The following PSAP variants were observed in gnomAD, a reference collection of about 807,000 sequenced individuals.
The protein encoded by PSAP is precursor of saposins.
Under a neutral mutation model 66.0 loss-of-function variants are expected in PSAP, and 25 were observed. The observed-to-expected ratio is 0.38, with a 90% CI of 0.28 to 0.53. The LOEUF is 0.53. Among genes scored for constraint, PSAP ranks in the 20% least tolerant of loss-of-function variants. The pLI is 0.83. For synonymous variants in PSAP, 273 were observed against 258.9 expected (o/e 1.05, Z -0.52); for missense variants, 649 against 668.8 (o/e 0.97, Z 0.33).
At chr10:71,820,196 G>C (rs116152461) in intron 9 of PSAP, 44 bp downstream of exon 9, 10 of 1,517,390 alleles carry the variant, frequency 6.6e-6, no homozygotes, top group South Asian at 5.6e-5. Context: ...ATTCAGGCTC[G>C]GGGGGGCAGG....
In PSAP at chr10:71,835,821, G is replaced by GAAA. The variant is rs758665607; in HGVS notation, c.41-1319_41-1317dup. On this transcript the variant is annotated intron_variant, in intron 1 of 13. Transcript: ENST00000394936. ...AGATACTTGACCCAAGTCTGAGACA[G>GAAA]AAAAAAAAAAAAAAAAAACAAAACA... 4.2e-3 allele frequency among the ~76,000 whole-genome samples: 202 copies of GAAA among 48,626 alleles called. 3 individuals carry two copies. The highest frequency in any genetic ancestry group is 0.02 in the Middle Eastern group (2 of 100). The allele number at this position is 48,626 out of a possible 152,430, so 31.9% of individuals were successfully genotyped here.
rs1564812479 is a variant in PSAP at position 71,816,356 on chromosome 10, CGAA to C, written c.*1082_*1084del. 4.3e-6 allele frequency: 2 copies of C among 465,356 alleles called. No individual in the cohort carries two copies. Among genetic ancestry groups the C allele is most frequent in the South Asian group, 3.1e-5 (2 of 64,504 alleles). The allele number at this position is 465,356 out of a possible 1,614,324, so 28.8% of individuals were successfully genotyped here. Reference sequence around the variant, plus strand: ...AAACTTTAGTGCAAAACAAAAATCACGAAGTCCATTTAATAGCAACTTCATGTC... The same window carrying C: ...AAACTTTAGTGCAAAACAAAAATCACGTCCATTTAATAGCAACTTCATGTC... On this transcript the variant is annotated 3_prime_UTR_variant, in exon 14 of 14. Transcript: ENST00000394936.
At position 71,833,411 on chromosome 10, in the gene PSAP, T is replaced by C. The variant is rs895207042; in HGVS notation, c.174+961A>G. On this transcript the variant is annotated intron_variant, in intron 2 of 13. Transcript: ENST00000394936. ...AGGTTGAGGCTGCAGTGAGCCATGA[T>C]TGTGCCACTGCACTCCAGCCTAGGT... 1.1e-4 allele frequency among the ~76,000 whole-genome samples: 17 copies of C among 152,294 alleles called. 1 individual carries two copies. The highest frequency in any genetic ancestry group is 6.2e-4 in the South Asian group (3 of 4,826).
chr10:71,838,198 AAC>A (rs1252978234), intron 1 of PSAP, among the ~76,000 whole-genome samples: 7 of 152,256 alleles, frequency 4.6e-5, no homozygotes, highest in Non-Finnish European at 8.8e-5. Flanking sequence ...AAGAGAGGCT[AAC>A]ACAGAGTCCA....
At chr10:71,818,940 C>A in intron 12 of PSAP, 91 bp downstream of exon 12, 1 of 1,262,782 alleles carries the variant, frequency 7.9e-7, no homozygotes, top group African/African-American at 1.6e-5. Context: ...GACTCCACCC[C>A]ACGGCCAAGT....
At chr10:71,833,016 CAA>C (rs781415981) in intron 2 of PSAP, among the ~76,000 whole-genome samples, 11 of 50,708 alleles carry the variant, frequency 2.2e-4, no homozygotes, top group Admixed American at 6.8e-4. Flanking sequence ...GAGTCCATCT[CAA>C]AAAAAAAAAA....
At chr10:71,849,809 GC>G (rs368173211) in intron 1 of PSAP, among the ~76,000 whole-genome samples, 100 of 152,188 alleles carry the variant, frequency 6.6e-4, no homozygotes, top group African/African-American at 2.2e-3. Context: ...GCACCCAGAT[GC>G]AAGACATTTC....
At chr10:71,830,253 G>C (rs1385153872) in intron 4 of PSAP, among the ~76,000 whole-genome samples, 1 of 152,074 alleles carries the variant, frequency 6.6e-6, no homozygotes, top group East Asian at 1.9e-4. Context: ...TCAGAAACCA[G>C]GGAGACATTT....
At chr10:71,821,779 C>A in intron 8 of PSAP, 97 bp downstream of exon 8, 1 of 1,549,812 alleles carries the variant, frequency 6.5e-7, no homozygotes. Flanking sequence ...GGCAGGGAAC[C>A]GAAAGAAACA....
At chr10:71,822,689 A>T in intron 7 of PSAP, 1 of 471,460 alleles carries the variant, frequency 2.1e-6, no homozygotes, top group Non-Finnish European at 4.4e-6. Context: ...CAAGAGTGAG[A>T]CAAGTGTATA....
chr10:71,842,993 C>T (rs1842754471), intron 1 of PSAP, among the ~76,000 whole-genome samples: 1 of 152,146 alleles, frequency 6.6e-6, no homozygotes, highest in Non-Finnish European at 1.5e-5. Context: ...ATGCTAAGCA[C>T]CTGTTATGTG....
chr10:71,831,981 T>C (rs1842530297), intron 2 of PSAP, 61 bp from the exon 3 acceptor site: 1 of 1,486,504 alleles, frequency 6.7e-7, no homozygotes. Flanking sequence ...CCCACACAGC[T>C]GGAACTCCCC....
Position 71,829,128 on chromosome 10 carries a change from TAAG to T in PSAP, c.376-54_376-52del. 9 of 1,541,740 alleles carry T rather than the reference TAAG, an allele frequency of 5.8e-6. No individual in the cohort carries two copies. In the South Asian group the frequency reaches 1.0e-4, roughly 17 times the overall value. The stretch of plus-strand genomic sequence containing the variant: ...TGAAAATCCTCTCCCCAGGGGAAAA[TAAG>T]ACAGGCCATCTAGTGCCTCTGAATT... On this transcript the variant is annotated intron_variant, in intron 4 of 13. Transcript: ENST00000394936.
chr10:71,835,821 G>GAAAAAAAA (rs758665607), intron 1 of PSAP, among the ~76,000 whole-genome samples: 14 of 49,388 alleles, frequency 2.8e-4, no homozygotes, highest in African/African-American at 5.9e-4. Flanking sequence ...GTCTGAGACA[G>GAAAAAAAA]AAAAAAAAAA....
At chr10:71,819,211 G>C in intron 11 of PSAP, 100 bp from the exon 12 acceptor site, 1 of 1,166,822 alleles carries the variant, frequency 8.6e-7, no homozygotes, top group Non-Finnish European at 1.3e-6. Flanking sequence ...TTCCCTGAGA[G>C]CTCCTGGCAT....
At chr10:71,823,227 G>A (rs559238635) in intron 7 of PSAP, among the ~76,000 whole-genome samples, 32 of 152,274 alleles carry the variant, frequency 2.1e-4, no homozygotes, top group African/African-American at 7.0e-4. Context: ...GGACGGCCCC[G>A]AAGGACACTG....
At chr10:71,849,876 T>C (rs146451854) in intron 1 of PSAP, among the ~76,000 whole-genome samples, 110 of 152,202 alleles carry the variant, frequency 7.2e-4, no homozygotes, top group African/African-American at 2.5e-3. Context: ...AAACCCTATA[T>C]CGCCTTCAAT....
rs147831073 is a variant in PSAP at position 71,839,769 on chromosome 10, G to A, written c.41-5264C>T. 6.4e-3 allele frequency among the ~76,000 whole-genome samples: 976 copies of A among 152,180 alleles called. 14 individuals carry two copies. Among genetic ancestry groups the A allele is most frequent in the African/African-American group, 0.023 (941 of 41,520 alleles). Reference sequence around the variant, plus strand: ...CTCAGGAGGCTGAGGCAGGAGAATCGCTTGAACTCAGGAGGCAGAGGTTGT... The same window carrying A: ...CTCAGGAGGCTGAGGCAGGAGAATCACTTGAACTCAGGAGGCAGAGGTTGT... On this transcript the variant is annotated intron_variant, in intron 1 of 13. Transcript: ENST00000394936.
At chr10:71,835,986 A>T (rs550845541) in intron 1 of PSAP, among the ~76,000 whole-genome samples, 1 of 152,044 alleles carries the variant, frequency 6.6e-6, no homozygotes, top group Non-Finnish European at 1.5e-5. Flanking sequence ...CCTCCAGGAG[A>T]GGGTAAGGAA....
Sources: gnomAD v4.1 joint callset for allele counts (sites outside exome capture counted in the v4.1 genomes callset) on GRCh38, gnomAD v4.1.1 for gene constraint, MANE v1.5 for transcripts, NCBI Gene and HGNC (gene_info 2026-07-23, HGNC 2026-07-21) for gene names.